The following SLC35D4 variants were observed in gnomAD, a reference collection of about 807,000 sequenced individuals.
SLC35D4 encodes the protein solute carrier family 35 member D4, also known as UDP-N-acetylglucosamine transporter SLC35D4.
the SLC35D4 span, among the ~76,000 whole-genome samples, chr18:23,262,955 C>T: frequency 6.6e-6 from 1 of 152,184 alleles, no homozygotes; most frequent in African/African-American, 2.4e-5. Context: ...CAGATGAAGC[C>T]TTGGACACGG....
the SLC35D4 span, among the ~76,000 whole-genome samples, chr18:23,317,551 G>A: frequency 1.3e-5 from 2 of 152,090 alleles, no homozygotes; most frequent in Non-Finnish European, 2.9e-5. Context: ...TATATACCAT[G>A]CACACAGAAA....
At chr18:23,394,647 G>T in the SLC35D4 span, among the ~76,000 whole-genome samples, 1 of 152,174 alleles carries the variant, frequency 6.6e-6, no homozygotes, top group South Asian at 2.1e-4. Flanking sequence ...ACATCATGAA[G>T]CTTTTCCCCC....
chr18:23,287,021 C>T, the SLC35D4 span, among the ~76,000 whole-genome samples: 1 of 150,698 alleles, frequency 6.6e-6, no homozygotes, highest in Non-Finnish European at 1.5e-5. Flanking sequence ...AACCTAATCA[C>T]CCTTACCCCG....
At chr18:23,298,664 T>C in the SLC35D4 span, among the ~76,000 whole-genome samples, 8 of 152,292 alleles carry the variant, frequency 5.3e-5, no homozygotes, top group African/African-American at 1.4e-4. Flanking sequence ...ATGCCTCTAA[T>C]GTAATACAGC....
the SLC35D4 span, among the ~76,000 whole-genome samples, chr18:23,279,942 C>T: frequency 2.6e-5 from 4 of 152,314 alleles, no homozygotes; most frequent in African/African-American, 9.6e-5. Context: ...TGGGCTCAAG[C>T]GATCCTCCCA....
At chr18:23,424,846 C>T in the SLC35D4 span, among the ~76,000 whole-genome samples, 13 of 152,006 alleles carry the variant, frequency 8.6e-5, no homozygotes, top group Admixed American at 7.9e-4. Context: ...AGAGAGGGAG[C>T]CTGCCTCTAC....
chr18:23,433,110 G>A, the SLC35D4 span, among the ~76,000 whole-genome samples: 2 of 150,708 alleles, frequency 1.3e-5, no homozygotes, highest in Non-Finnish European at 2.9e-5. Context: ...ACCCAGGCTG[G>A]AATGTAATGA....
At chr18:23,267,878 C>T in the SLC35D4 span, among the ~76,000 whole-genome samples, 7 of 152,340 alleles carry the variant, frequency 4.6e-5, no homozygotes, top group South Asian at 1.4e-3. Flanking sequence ...CAGAGTCCCC[C>T]TCTCAGCACA....
chr18:23,372,372 A>T, the SLC35D4 span, among the ~76,000 whole-genome samples: 3 of 151,860 alleles, frequency 2.0e-5, no homozygotes, highest in Non-Finnish European at 2.9e-5. Flanking sequence ...TACTCATGAC[A>T]CTCCAGGACT....
the SLC35D4 span, chr18:23,352,400 A>G: frequency 2.6e-6 from 2 of 764,334 alleles, no homozygotes; most frequent in Non-Finnish European, 4.0e-6. Flanking sequence ...TGCAACCTCT[A>G]CCTCATCTGT....
chr18:23,281,733 C>A, the SLC35D4 span, among the ~76,000 whole-genome samples: 1 of 152,166 alleles, frequency 6.6e-6, no homozygotes, highest in Non-Finnish European at 1.5e-5. Context: ...AAGAAAGTCA[C>A]CAGAGTTGTT....
chr18:23,288,525 T>G, the SLC35D4 span, among the ~76,000 whole-genome samples: 1 of 148,428 alleles, frequency 6.7e-6, no homozygotes. Flanking sequence ...GCCCCCTCCC[T>G]TCCCTACGCA....
At chr18:23,289,169 A>G in the SLC35D4 span, among the ~76,000 whole-genome samples, 37,819 of 152,052 alleles carry the variant, frequency 0.25, 4,873 homozygotes, top group South Asian at 0.37. Context: ...TTACACTGCC[A>G]GTTTACACTG....
At chr18:23,413,265 TTTCTGATCCAAGA>T in the SLC35D4 span, among the ~76,000 whole-genome samples, 3 of 152,370 alleles carry the variant, frequency 2.0e-5, no homozygotes, top group East Asian at 5.8e-4. Flanking sequence ...TTTCATTTTT[TTTCTGATCCAAGA>T]TTCTCAACAT....
chr18:23,371,938 T>TTTTTTTTTG, the SLC35D4 span, among the ~76,000 whole-genome samples: 1 of 21,376 alleles, frequency 4.7e-5, no homozygotes, highest in African/African-American at 1.2e-4. Context: ...TTTTTTTGTT[T>TTTTTTTTTG]TTTTTTTTTT....
chr18:23,332,974 A>G, the SLC35D4 span, among the ~76,000 whole-genome samples: 1 of 152,280 alleles, frequency 6.6e-6, no homozygotes, highest in Middle Eastern at 3.4e-3. Context: ...TACTCTCTAT[A>G]GTCTCATCTC....
chr18:23,341,432 C>T, the SLC35D4 span, among the ~76,000 whole-genome samples: 2 of 152,168 alleles, frequency 1.3e-5, no homozygotes, highest in African/African-American at 4.8e-5. Flanking sequence ...GAAAACAGCC[C>T]CCAAATGGGT....
chr18:23,394,813 T>G, the SLC35D4 span, among the ~76,000 whole-genome samples: 6 of 151,650 alleles, frequency 4.0e-5, no homozygotes, highest in Non-Finnish European at 8.8e-5. Flanking sequence ...CTCTAGTATT[T>G]TTTATACTAA....
At chr18:23,261,746 A>C in the SLC35D4 span, among the ~76,000 whole-genome samples, 1,262 of 152,352 alleles carry the variant, frequency 8.3e-3, 10 homozygotes, top group African/African-American at 0.029. Flanking sequence ...CCTTCTTACA[A>C]AATAGGCTTT....
Sources: allele counts gnomAD v4.1 joint callset (sites outside exome capture counted in the v4.1 genomes callset), GRCh38; gene constraint gnomAD v4.1.1; transcripts MANE v1.5; gene names NCBI Gene and HGNC (gene_info 2026-07-23, HGNC 2026-07-21).